ADGRB1: variants seen among roughly 807,000 people sequenced by gnomAD.
ADGRB1 encodes brain-specific angiogenesis inhibitor 1.
Under a neutral mutation model 175.7 loss-of-function variants are expected in ADGRB1, and 36 were observed. The observed-to-expected ratio is 0.20, with a 90% confidence interval of 0.16 to 0.27. ADGRB1 has a LOEUF of 0.27. ADGRB1 is among the 10% of genes least tolerant of loss of function. ADGRB1 has a pLI of 1.00. For synonymous variants in ADGRB1, 1,054 were observed against 979.4 expected (o/e 1.08, Z -1.42); for missense variants, 1,731 against 2,255.3 (o/e 0.77, Z 4.71).
At chr8:142,500,244 C>T (rs1241921969) in intron 17 of ADGRB1, among the ~76,000 whole-genome samples, 1 of 124,494 alleles carries the variant, frequency 8.0e-6, no homozygotes, top group Admixed American at 7.9e-5. Flanking sequence ...CACCTCCCCA[C>T]GCGCCGCTCC....
chr8:142,450,980 C>T (rs1177507117), intron 1 of ADGRB1, among the ~76,000 whole-genome samples: 1 of 152,164 alleles, frequency 6.6e-6, no homozygotes, highest in Admixed American at 6.5e-5. Context: ...GAGCAGAGGC[C>T]GCCGGCCCTC....
In ADGRB1 at chr8:142,464,383, C is replaced by G; in HGVS notation, c.185C>G (p.Pro62Arg). The G allele has an allele frequency of 1.3e-6, 2 of 1,525,886 alleles. No homozygotes were observed. Among genetic ancestry groups the G allele is most frequent in the Non-Finnish European group, 1.8e-6 (2 of 1,140,412 alleles). 94.5% of individuals were successfully genotyped at this position (1,525,886 alleles called of 1,614,324 possible). A position where few individuals can be genotyped will look rare whatever the true frequency, so the allele number is the denominator to read the frequency against. ...TACTTCTCCGCGGCCGCCGTGTTCC[C>G]GGCCAACGCCTCGCGCTGCTCCTGG... ...FGYFSAAAVF[P>R]ANASRCSWTL... The change falls in exon 2 of 31, where the codon CCG (proline) becomes CGG (arginine). Residue 62 changes from proline to arginine, a missense_variant. Around this residue, in one of 8 missense-constraint regions of ADGRB1, gnomAD observed 383 missense variants for 383.1 expected, o/e 1.00. Transcript: ENST00000517894.
rs568165518 is a variant in ADGRB1, at chr8:142,478,232, C to T, written c.1433C>T (p.Ala478Val). Residue 478 changes from alanine (A) to valine (V), a missense_variant, in exon 7 of 31, where the codon GCC (alanine) becomes GTC (valine). Transcript: ENST00000517894. ...GNWNEWSSWS[A>V]CSASCSQGRQ... ...TGGAATGAGTGGTCGAGCTGGAGCGCCTGCTCCGCCAGCTGCTCCCAGGGC... is the reference window on the plus strand; with the variant it reads ...TGGAATGAGTGGTCGAGCTGGAGCGTCTGCTCCGCCAGCTGCTCCCAGGGC... 5 of 1,608,160 alleles carry T rather than the reference C, an allele frequency of 3.1e-6. No individual in the cohort carries two copies. Among genetic ancestry groups the T allele is most frequent in the Non-Finnish European group, 3.4e-6 (4 of 1,178,076 alleles).
intron 17 of ADGRB1, among the ~76,000 whole-genome samples, chr8:142,506,046 G>C (rs1450412420): frequency 6.6e-6 from 1 of 152,246 alleles, no homozygotes; most frequent in Non-Finnish European, 1.5e-5. Flanking sequence ...CTGTGGGACT[G>C]TCATGCACCA....
Position 142,522,690 on chromosome 8 carries a change from A to C in ADGRB1, c.3225A>C (p.Lys1075Asn). 6.4e-7 allele frequency: 1 copy of C among 1,559,058 alleles called. No homozygotes were observed. Among genetic ancestry groups the C allele is most frequent in the Non-Finnish European group, 8.7e-7 (1 of 1,153,952 alleles). Residue 1075 changes from lysine (K) to asparagine (N), a missense_variant, in exon 22 of 31, where the codon AAA becomes AAC. By Grantham distance (94) the Lys-to-Asn change is moderately conservative. Transcript: ENST00000517894. ...TTTCTGTGGGATTCACCAAGGCCAA[A>C]GGGTACAGCACCATGAACTAGTGAG... is the stretch of plus-strand genomic sequence containing the variant. ...VAISVGFTKA[K>N]GYSTMNYCWL...
Position 142,469,629 on chromosome 8 carries a change from G to GTGTGTGCA in ADGRB1, c.784+4652_784+4653insGCATGTGT, listed in dbSNP as rs1487716771. On this transcript the variant is annotated intron_variant, in intron 2 of 30. Transcript: ENST00000517894. The stretch of plus-strand genomic sequence containing the variant: ...TGCATGTGTGTGTATGCACGTGCAT[G>GTGTGTGCA]TGTGTATGTGCACGTGCGTGTGAAC... 3.2e-3 allele frequency among the ~76,000 whole-genome samples: 490 copies of GTGTGTGCA among 151,762 alleles called. 2 individuals carry two copies. The highest frequency in any genetic ancestry group is 0.011 in the African/African-American group (465 of 41,356).
chr8:142,528,418 A>G (rs1162931108), intron 24 of ADGRB1, among the ~76,000 whole-genome samples: 1 of 152,098 alleles, frequency 6.6e-6, no homozygotes, highest in African/African-American at 2.4e-5. Flanking sequence ...AGCCCCCAGG[A>G]CCGTCCCTGT....
At chr8:142,473,177 C>T (rs1840755815) in intron 2 of ADGRB1, among the ~76,000 whole-genome samples, 1 of 152,210 alleles carries the variant, frequency 6.6e-6, no homozygotes, top group Admixed American at 6.5e-5. Context: ...ATGAGCCTGG[C>T]TTGGACACCC....
Position 142,544,503 on chromosome 8 carries a change from G to T in ADGRB1, c.*86G>T. On this transcript the variant is annotated 3_prime_UTR_variant, in exon 31 of 31. Coordinates refer to ENST00000517894, the MANE Select transcript of ADGRB1 (RefSeq NM_001702.3). The stretch of plus-strand genomic sequence containing the variant: ...GCCGCAGACGGGCACAGACACGCTC[G>T]CGGGCAGCGGGCCAGGCCCGCACCC... 1 of 1,376,842 alleles carries T rather than the reference G, an allele frequency of 7.3e-7. No individual in the cohort carries two copies. The highest frequency in any genetic ancestry group is 9.4e-7 in the Non-Finnish European group (1 of 1,062,850). The allele number at this position is 1,376,842 out of a possible 1,614,324, so 85.3% of individuals were successfully genotyped here.
At chr8:142,475,288 C>A (rs1840891020) in intron 2 of ADGRB1, among the ~76,000 whole-genome samples, 186 bp from the exon 3 acceptor site, 1 of 152,228 alleles carries the variant, frequency 6.6e-6, no homozygotes, top group African/African-American at 2.4e-5. Context: ...GACCTGAGCT[C>A]TCCAGAGGGG....
intron 17 of ADGRB1, among the ~76,000 whole-genome samples, chr8:142,500,007 T>G (rs62513273): frequency 1 from 152,084 of 152,084 alleles, 76,042 homozygotes; most frequent in Non-Finnish European, 1. Context: ...CCGGCCCTAG[T>G]CCTGGAGCCC....
At position 142,544,903 on chromosome 8, in the gene ADGRB1, C is replaced by G. The variant is rs1379081549; in HGVS notation, c.*486C>G. On this transcript the variant is annotated 3_prime_UTR_variant, in exon 31 of 31. Coordinates refer to ENST00000517894, the MANE Select transcript of ADGRB1 (RefSeq NM_001702.3). ...AGGTGGAGGGCACAGCCCTCCGACC[C>G]TCATGGCCCCCAGGGGCAGGACTGA... The G allele has an allele frequency of 1.3e-5, 2 of 153,474 alleles. No individual in the cohort carries two copies. The highest frequency in any genetic ancestry group is 2.9e-5 in the Non-Finnish European group (2 of 68,748). The allele number at this position is 153,474 out of a possible 1,614,324, so 9.5% of individuals were successfully genotyped here.
intron 15 of ADGRB1, 105 bp downstream of exon 15, chr8:142,489,215 T>A: frequency 6.5e-7 from 1 of 1,545,104 alleles, no homozygotes; most frequent in Admixed American, 1.8e-5. Flanking sequence ...TGGAGGAGTG[T>A]GGATGATGGG....
chr8:142,469,588 AAT>A (rs1491445247), intron 2 of ADGRB1, among the ~76,000 whole-genome samples: 3 of 105,344 alleles, frequency 2.8e-5, no homozygotes, highest in Non-Finnish European at 5.9e-5. Context: ...TGCATGTGTG[AAT>A]GTGTGTGTGC....
Position 142,511,474 on chromosome 8 carries a change from A to T in ADGRB1, c.2817+401A>T, listed in dbSNP as rs1300505063. 6.6e-6 allele frequency among the ~76,000 whole-genome samples: 1 copy of T among 151,956 alleles called. No individual in the cohort carries two copies. Among genetic ancestry groups the T allele is most frequent in the Non-Finnish European group, 1.5e-5 (1 of 67,966 alleles). On this transcript the variant is annotated intron_variant, in intron 18 of 30. Coordinates refer to ENST00000517894, the MANE Select transcript of ADGRB1 (RefSeq NM_001702.3). This position sits in a 1 kb window ranked among gnomAD's most constrained non-coding sequence, Gnocchi z 4.5. ...CCTTGGTCCTCTCCGCCTGCCAGGG[A>T]GAGGGAGGAGGAGGAGCTGCCGCCT...
intron 9 of ADGRB1, 115 bp downstream of exon 9, chr8:142,479,909 C>G: frequency 8.5e-7 from 1 of 1,174,844 alleles, no homozygotes; most frequent in Non-Finnish European, 1.2e-6. Context: ...CCCAGACAGC[C>G]TGCGTGTGCT....
chr8:142,511,604 C>T lies in ADGRB1; in HGVS notation c.2817+531C>T, dbSNP rs1319646512. On this transcript the variant is annotated intron_variant, in intron 18 of 30. Coordinates refer to ENST00000517894, the MANE Select transcript of ADGRB1 (RefSeq NM_001702.3). This position sits in a 1 kb window ranked among gnomAD's most constrained non-coding sequence, Gnocchi z 4.5. Reference sequence around the variant, plus strand: ...GGCCCAGATCCACCGCCCCCCAGGCCTCAGCACCTCGGGGCTTCCTTTTTG... The same window carrying T: ...GGCCCAGATCCACCGCCCCCCAGGCTTCAGCACCTCGGGGCTTCCTTTTTG... Among the ~76,000 whole-genome samples the T allele has an allele frequency of 6.6e-6, 1 of 152,226 alleles. No individual in the cohort carries two copies. Among genetic ancestry groups the T allele is most frequent in the Non-Finnish European group, 1.5e-5 (1 of 68,026 alleles).
At position 142,504,562 on chromosome 8, in the gene ADGRB1, G is replaced by A. The variant is rs1038757420; in HGVS notation, c.2676-6370G>A. ...GGGGAAGGGTCTGGCTGAGGGTCAG[G>A]AGCAATGCCCAGGAGCTCATGGAAG... On this transcript the variant is annotated intron_variant, in intron 17 of 30. Transcript: ENST00000517894. The surrounding 1 kb of genome is among the most constrained non-coding windows in gnomAD (Gnocchi z 5.6). Among the ~76,000 whole-genome samples the A allele has an allele frequency of 3.3e-5, 5 of 152,122 alleles. No individual in the cohort carries two copies. The highest frequency in any genetic ancestry group is 7.4e-5 in the Non-Finnish European group (5 of 67,976).
chr8:142,526,258 C>T (rs1204419342), intron 23 of ADGRB1, among the ~76,000 whole-genome samples: 1 of 152,150 alleles, frequency 6.6e-6, no homozygotes, highest in East Asian at 1.9e-4. Context: ...GGCCTCCGGG[C>T]CCTGTGGGTG....
Sources: allele counts gnomAD v4.1 joint callset (sites outside exome capture counted in the v4.1 genomes callset), GRCh38; gene constraint gnomAD v4.1.1; regional missense constraint gnomAD v4.1.1; non-coding constraint Gnocchi (gnomAD v3.1); transcripts MANE v1.5; gene names NCBI Gene and HGNC (gene_info 2026-07-23, HGNC 2026-07-21).